The following TRABD2B variants were observed in gnomAD, a reference collection of about 807,000 sequenced individuals.
The protein encoded by TRABD2B is TraB domain containing 2B, also known as metalloprotease TIKI2.
TRABD2B carries 14 observed loss-of-function variants against 40.1 expected under a neutral mutation model. The observed-to-expected ratio is 0.35, with a 90% CI of 0.23 to 0.55. TRABD2B has a LOEUF of 0.55. Ranked by LOEUF, TRABD2B falls within the 20% of genes least tolerant of loss-of-function variation. TRABD2B has a pLI of 0.90. For missense variants in TRABD2B, 541 were observed against 648.6 expected, an observed-to-expected ratio of 0.83 and a Z score of 1.80; for synonymous variants, 263 against 277.0, an observed-to-expected ratio of 0.95 and a Z score of 0.50.
chr1:47,965,286 C>T (rs1439027357), intron 2 of TRABD2B, among the ~76,000 whole-genome samples: 1 of 143,716 alleles, frequency 7.0e-6, no homozygotes, highest in Admixed American at 7.0e-5. Flanking sequence ...GACTTTTCTG[C>T]AAAATTGGGG....
chr1:47,925,127 T>C (rs374342196), intron 2 of TRABD2B, among the ~76,000 whole-genome samples: 13 of 152,318 alleles, frequency 8.5e-5, no homozygotes, highest in African/African-American at 2.6e-4. Flanking sequence ...TAAGGTAGGA[T>C]AGAAACTCTC....
chr1:47,817,987 G>A (rs1033385481), intron 2 of TRABD2B: 5 of 152,290 alleles, frequency 3.3e-5, no homozygotes, highest in South Asian at 2.1e-4. Context: ...CATTTACAGC[G>A]TCAGAAAATA....
intron 4 of TRABD2B, among the ~76,000 whole-genome samples, chr1:47,778,765 T>C (rs1481831252): frequency 6.6e-6 from 1 of 152,152 alleles, no homozygotes; most frequent in Non-Finnish European, 1.5e-5. Context: ...TAACTGTATC[T>C]CCCCATGCCT....
At chr1:47,950,299 AT>A (rs1379476101) in intron 2 of TRABD2B, among the ~76,000 whole-genome samples, 2 of 152,038 alleles carry the variant, frequency 1.3e-5, no homozygotes, top group Non-Finnish European at 2.9e-5. Context: ...GAAAAAAAAA[AT>A]AATAATAAAA....
At chr1:47,807,947 G>A (rs1644914520) in intron 2 of TRABD2B, among the ~76,000 whole-genome samples, 2 of 152,166 alleles carry the variant, frequency 1.3e-5, no homozygotes, top group Non-Finnish European at 2.9e-5. Flanking sequence ...AACTGAGAAG[G>A]GGTGAACTTG....
intron 2 of TRABD2B, among the ~76,000 whole-genome samples, chr1:47,923,915 T>TACACACACAC (rs60288001): frequency 5.3e-5 from 7 of 132,506 alleles, no homozygotes; most frequent in East Asian, 2.2e-4. Flanking sequence ...CATACACACA[T>TACACACACAC]ACACACACAC....
chr1:47,952,450 A>T (rs1645358872), intron 2 of TRABD2B, among the ~76,000 whole-genome samples: 1 of 152,142 alleles, frequency 6.6e-6, no homozygotes, highest in Non-Finnish European at 1.5e-5. Flanking sequence ...CCAAGCCCAC[A>T]ATGGCCACAA....
intron 2 of TRABD2B, among the ~76,000 whole-genome samples, chr1:47,802,745 C>T (rs1644839117): frequency 6.6e-6 from 1 of 152,134 alleles, no homozygotes; most frequent in South Asian, 2.1e-4. Flanking sequence ...GTCCCCTGCA[C>T]CAGTCCCGCC....
chr1:47,797,569 T>C (rs529582072), intron 3 of TRABD2B, among the ~76,000 whole-genome samples: 229 of 152,018 alleles, frequency 1.5e-3, no homozygotes, highest in African/African-American at 5.1e-3. Flanking sequence ...CAAAAAAAAT[T>C]AACAAGGACA....
intron 2 of TRABD2B, among the ~76,000 whole-genome samples, chr1:47,815,845 A>ATAGATAGATAGATAGC (rs1553154090): frequency 1.0e-4 from 13 of 127,202 alleles, no homozygotes; most frequent in East Asian, 2.1e-4. Context: ...AGATAGATAG[A>ATAGATAGATAGATAGC]TAGATAGAAA....
intron 2 of TRABD2B, among the ~76,000 whole-genome samples, chr1:47,976,364 A>C (rs1645755466): frequency 6.6e-6 from 1 of 152,090 alleles, no homozygotes; most frequent in Non-Finnish European, 1.5e-5. Context: ...GCTTGTTTTC[A>C]TTCAGCATTT....
intron 2 of TRABD2B, among the ~76,000 whole-genome samples, chr1:47,831,568 A>T (rs1293626434): frequency 2.0e-5 from 3 of 152,206 alleles, no homozygotes; most frequent in Non-Finnish European, 4.4e-5. Context: ...GCTCAGTGAC[A>T]GAGCTGCTGT....
chr1:47,839,083 T>C (rs954315493), intron 2 of TRABD2B, among the ~76,000 whole-genome samples: 1 of 152,164 alleles, frequency 6.6e-6, no homozygotes, highest in Non-Finnish European at 1.5e-5. Flanking sequence ...CCTTGTGGGA[T>C]AGATTGGAAC....
chr1:47,856,276 C>T (rs760707056), intron 2 of TRABD2B, among the ~76,000 whole-genome samples: 3 of 152,258 alleles, frequency 2.0e-5, no homozygotes, highest in Non-Finnish European at 4.4e-5. Context: ...TGGGATCTCT[C>T]TGCCTCCCTT....
chr1:47,844,718 C>G (rs1003832269), intron 2 of TRABD2B, among the ~76,000 whole-genome samples: 3 of 152,044 alleles, frequency 2.0e-5, no homozygotes, highest in East Asian at 3.8e-4. Context: ...GTTGGGCCTA[C>G]GAGGATAAGA....
At chr1:47,864,477 A>G (rs1489845441) in intron 2 of TRABD2B, among the ~76,000 whole-genome samples, 3 of 149,944 alleles carry the variant, frequency 2.0e-5, no homozygotes, top group Non-Finnish European at 4.4e-5. Flanking sequence ...AAAAAAAAAA[A>G]GTCTTACAAA....
At chr1:47,771,042 G>A (rs1182428152) in intron 6 of TRABD2B, among the ~76,000 whole-genome samples, 1 of 152,206 alleles carries the variant, frequency 6.6e-6, no homozygotes, top group Non-Finnish European at 1.5e-5. Flanking sequence ...GGATGATCCT[G>A]CTTCTCATTC....
intron 2 of TRABD2B, among the ~76,000 whole-genome samples, chr1:47,964,155 T>C (rs1341383549): frequency 1.3e-5 from 2 of 152,324 alleles, no homozygotes; most frequent in Admixed American, 1.3e-4. Flanking sequence ...GGACCGAGTT[T>C]CTGGAATGTA....
intron 4 of TRABD2B, among the ~76,000 whole-genome samples, chr1:47,791,136 C>T (rs550737721): frequency 2.6e-4 from 39 of 152,358 alleles, no homozygotes; most frequent in African/African-American, 8.7e-4. Flanking sequence ...GGGCAGGATT[C>T]TGGAGCTGGG....
Sources: allele counts gnomAD v4.1 joint callset (sites outside exome capture counted in the v4.1 genomes callset), GRCh38; gene constraint gnomAD v4.1.1; transcripts MANE v1.5; gene names NCBI Gene and HGNC (gene_info 2026-07-23, HGNC 2026-07-21).